The following TMTC2 variants were observed in gnomAD, a reference collection of about 807,000 sequenced individuals.
TMTC2 encodes the protein transmembrane O-mannosyltransferase targeting cadherins 2.
Under a neutral mutation model 82.4 loss-of-function variants are expected in TMTC2, and 43 were observed. The ratio of observed to expected loss-of-function variants is 0.52; its 90% confidence interval spans 0.41 to 0.67. TMTC2 has a LOEUF of 0.67. TMTC2 is among the 30% of genes least tolerant of loss of function. The pLI, the probability that TMTC2 is intolerant of heterozygous loss-of-function variation, is 0.00. For missense variants in TMTC2, 919 were observed against 1,012.4 expected, an observed-to-expected ratio of 0.91 and a Z score of 1.25; for synonymous variants, 408 against 381.9, an observed-to-expected ratio of 1.07 and a Z score of -0.80.
chr12:83,102,380 G>T (rs1240301962), intron 11 of TMTC2, among the ~76,000 whole-genome samples: 2 of 152,178 alleles, frequency 1.3e-5, no homozygotes, highest in East Asian at 3.8e-4. Context: ...ATAGTCAAAG[G>T]AAGGCAAATT....
At chr12:82,835,937 C>G (rs1870013109) in intron 1 of TMTC2, among the ~76,000 whole-genome samples, 1 of 152,168 alleles carries the variant, frequency 6.6e-6, no homozygotes, top group South Asian at 2.1e-4. Context: ...GTGGCCAGTA[C>G]CCATTCTCTA....
intron 1 of TMTC2, among the ~76,000 whole-genome samples, chr12:82,720,194 C>A (rs1874137226): frequency 6.6e-6 from 1 of 151,970 alleles, no homozygotes; most frequent in African/African-American, 2.4e-5. Flanking sequence ...TAAAAGAAAC[C>A]CTGTATCTTT....
chr12:83,061,854 A>G, intron 11 of TMTC2, 23 bp downstream of exon 11: 2 of 1,552,754 alleles, frequency 1.3e-6, no homozygotes, highest in Non-Finnish European at 1.7e-6. Flanking sequence ...CTAATGAGAA[A>G]CATTTTCAGA....
chr12:83,066,605 T>G (rs770374561), intron 11 of TMTC2, among the ~76,000 whole-genome samples: 19 of 151,826 alleles, frequency 1.3e-4, no homozygotes, highest in Non-Finnish European at 1.8e-4. Flanking sequence ...GATACAGCCT[T>G]GGGAAAACTA....
At chr12:83,079,054 T>A (rs1883378304) in intron 11 of TMTC2, among the ~76,000 whole-genome samples, 1 of 152,162 alleles carries the variant, frequency 6.6e-6, no homozygotes, top group African/African-American at 2.4e-5. Context: ...CTAATACAAT[T>A]AATAACTACA....
intron 11 of TMTC2, among the ~76,000 whole-genome samples, chr12:83,068,306 A>G (rs551173858): frequency 1.3e-5 from 2 of 152,280 alleles, no homozygotes; most frequent in East Asian, 1.9e-4. Context: ...CCACCTATAT[A>G]TGTATGTTCT....
chr12:82,939,345 T>G (rs1050111085), intron 4 of TMTC2, among the ~76,000 whole-genome samples: 1 of 152,194 alleles, frequency 6.6e-6, no homozygotes, highest in Non-Finnish European at 1.5e-5. Flanking sequence ...TAGCATTTAG[T>G]GTAACTTTAA....
chr12:83,003,502 A>C (rs1446308240), intron 8 of TMTC2, among the ~76,000 whole-genome samples: 1 of 152,170 alleles, frequency 6.6e-6, no homozygotes, highest in Non-Finnish European at 1.5e-5. Flanking sequence ...TAGTTGTTAT[A>C]TCATATCTGT....
intron 4 of TMTC2, among the ~76,000 whole-genome samples, chr12:82,954,650 A>G (rs1877520604): frequency 6.6e-6 from 1 of 152,180 alleles, no homozygotes; most frequent in African/African-American, 2.4e-5. Flanking sequence ...TGTACTCTTG[A>G]AAAGCATACT....
intron 9 of TMTC2, among the ~76,000 whole-genome samples, chr12:83,050,545 A>G (rs959562349): frequency 6.6e-6 from 1 of 152,170 alleles, no homozygotes; most frequent in Non-Finnish European, 1.5e-5. Context: ...ATATTCATCA[A>G]TATGAATATA....
At chr12:82,733,790 A>T (rs972558494) in intron 1 of TMTC2, among the ~76,000 whole-genome samples, 1 of 152,230 alleles carries the variant, frequency 6.6e-6, no homozygotes, top group African/African-American at 2.4e-5. Context: ...AAATTTGTGT[A>T]CTTCTCTATA....
At chr12:82,986,088 C>T (rs374196111) in intron 8 of TMTC2, 42 bp downstream of exon 8, 31 of 1,613,276 alleles carry the variant, frequency 1.9e-5, no homozygotes, top group Non-Finnish European at 2.6e-5. Context: ...TTGGTTTTCT[C>T]CATGCAGACC....
chr12:83,012,408 C>A (rs114911737), intron 8 of TMTC2, among the ~76,000 whole-genome samples: 1,817 of 152,170 alleles, frequency 0.012, 41 homozygotes, highest in African/African-American at 0.042. Context: ...TAGAAGATAT[C>A]TTTTTATTTC....
At chr12:82,929,909 A>T (rs1875934807) in intron 3 of TMTC2, among the ~76,000 whole-genome samples, 1 of 152,194 alleles carries the variant, frequency 6.6e-6, no homozygotes, top group Non-Finnish European at 1.5e-5. Flanking sequence ...AGTATAAAAG[A>T]ACATTATATC....
chr12:82,704,760 A>G (rs1873262162), intron 1 of TMTC2, among the ~76,000 whole-genome samples: 1 of 152,148 alleles, frequency 6.6e-6, no homozygotes, highest in South Asian at 2.1e-4. Flanking sequence ...TTTACTAACA[A>G]ATTTCTGTTC....
chr12:83,005,046 AT>A (rs1880113234), intron 8 of TMTC2, among the ~76,000 whole-genome samples: 1 of 96,330 alleles, frequency 1.0e-5, no homozygotes, highest in African/African-American at 2.8e-5. Flanking sequence ...TCTACTAAAA[AT>A]ACAAAAATTA....
intron 1 of TMTC2, among the ~76,000 whole-genome samples, chr12:82,782,843 T>C (rs1877974976): frequency 6.6e-6 from 1 of 152,184 alleles, no homozygotes; most frequent in African/African-American, 2.4e-5. Context: ...TCTTTATTCC[T>C]AATTTTGATA....
intron 1 of TMTC2, among the ~76,000 whole-genome samples, chr12:82,724,062 T>G (rs1443208338): frequency 6.6e-6 from 1 of 152,226 alleles, no homozygotes; most frequent in Non-Finnish European, 1.5e-5. Flanking sequence ...GAGTTAGAGA[T>G]AATATCTGCA....
chr12:82,809,572 T>G (rs892417061), intron 1 of TMTC2, among the ~76,000 whole-genome samples: 3 of 152,132 alleles, frequency 2.0e-5, no homozygotes, highest in African/African-American at 7.2e-5. Context: ...TGTCTACAAA[T>G]TGGATTTTTA....
Sources: allele counts gnomAD v4.1 joint callset (sites outside exome capture counted in the v4.1 genomes callset), GRCh38; gene constraint gnomAD v4.1.1; transcripts MANE v1.5; gene names NCBI Gene and HGNC (gene_info 2026-07-23, HGNC 2026-07-21).